Variants in VPS13A observed in about 807,000 individuals in gnomAD.
The protein encoded by VPS13A is vacuolar protein sorting 13 homolog A, also known as intermembrane lipid transfer protein VPS13A.
VPS13A carries 264 observed loss-of-function variants against 390.9 expected under a neutral mutation model. That is an observed-to-expected ratio of 0.68 (90% CI 0.61 to 0.75). VPS13A has a LOEUF of 0.75. Ranked by LOEUF, VPS13A falls within the 30% of genes least tolerant of loss-of-function variation. The probability of loss-of-function intolerance (pLI) is 0.00; values close to 1 mark genes in which losing one functional copy is unlikely to be tolerated. For synonymous variants in VPS13A, 1,231 were observed against 1,227.1 expected (o/e 1.00, Z -0.07); for missense variants, 3,409 against 3,733.9 (o/e 0.91, Z 2.27).
chr9:77,183,722 G>T (rs1277279958), intron 1 of VPS13A, among the ~76,000 whole-genome samples: 9 of 152,188 alleles, frequency 5.9e-5, no homozygotes, highest in Admixed American at 5.9e-4. Context: ...AAGCCATTGT[G>T]CTTCTACATG....
chr9:77,207,082 A>G (rs569951289), intron 5 of VPS13A, among the ~76,000 whole-genome samples: 1 of 148,724 alleles, frequency 6.7e-6, no homozygotes, highest in African/African-American at 2.4e-5. Context: ...TAATATATAT[A>G]CATAGCTTTA....
chr9:77,258,244 A>T (rs1176583227), intron 22 of VPS13A, among the ~76,000 whole-genome samples: 3 of 152,180 alleles, frequency 2.0e-5, no homozygotes, highest in Admixed American at 2.0e-4. Context: ...CTCATCTAAC[A>T]TCTACCAAAC....
chr9:77,330,534 A>G (rs1830229789), intron 45 of VPS13A, among the ~76,000 whole-genome samples: 1 of 152,224 alleles, frequency 6.6e-6, no homozygotes, highest in Non-Finnish European at 1.5e-5. Context: ...AACAGGCACC[A>G]TTTAGAAGCA....
Position 77,353,289 on chromosome 9 carries a change from C to G in VPS13A, c.7420-120C>G, listed in dbSNP as rs548510600. On this transcript the variant is annotated intron_variant, in intron 53 of 71. Transcript: ENST00000360280. ...TATTAATTCATTTAGTTGCCACTAACCCCATGAAGTAGGTGCCATTAATAG... is the reference window on the plus strand; with the variant it reads ...TATTAATTCATTTAGTTGCCACTAAGCCCATGAAGTAGGTGCCATTAATAG... 1.1e-5 allele frequency: 8 copies of G among 712,538 alleles called. No homozygotes were observed. In the South Asian group the frequency reaches 1.4e-4, roughly 13 times the overall value. 44.1% of individuals were successfully genotyped at this position (712,538 alleles called of 1,614,324 possible).
At chr9:77,294,723 G>C (rs1574336) in intron 32 of VPS13A, among the ~76,000 whole-genome samples, 1 of 151,996 alleles carries the variant, frequency 6.6e-6, no homozygotes, top group Non-Finnish European at 1.5e-5. Flanking sequence ...AAAAAAATTA[G>C]AGTTGGGTTC....
At chr9:77,410,818 G>GACTT (rs1834883750) in intron 71 of VPS13A, among the ~76,000 whole-genome samples, 1 of 152,132 alleles carries the variant, frequency 6.6e-6, no homozygotes, top group African/African-American at 2.4e-5. Flanking sequence ...CCTACAAAGA[G>GACTT]ACTTAGACTC....
Position 77,228,082 on chromosome 9 carries a change from A to C in VPS13A, c.1453-40A>C, listed in dbSNP as rs755270796. 7.2e-6 allele frequency: 10 copies of C among 1,393,162 alleles called. No homozygotes were observed. In the African/African-American group the frequency reaches 1.4e-4, roughly 20 times the overall value. 86.3% of individuals were successfully genotyped at this position (1,393,162 alleles called of 1,614,324 possible). On this transcript the variant is annotated intron_variant, in intron 16 of 71. Transcript: ENST00000360280. ...AAGAATATTTGTTATGCTTATATAT[A>C]TATATATGTTTTCATTTTATTCTTC...
At chr9:77,202,808 A>C (rs987222349) in intron 3 of VPS13A, among the ~76,000 whole-genome samples, 6 of 152,206 alleles carry the variant, frequency 3.9e-5, no homozygotes, top group African/African-American at 1.4e-4. Flanking sequence ...TAGAAAGTAC[A>C]CTGAACTAAA....
At chr9:77,369,564 T>G (rs1183679327) in intron 63 of VPS13A, 152 bp downstream of exon 63, 2 of 680,576 alleles carry the variant, frequency 2.9e-6, no homozygotes, top group Non-Finnish European at 5.3e-6. Flanking sequence ...GGTAAGAGGT[T>G]TTGGGGGACA....
intron 68 of VPS13A, chr9:77,384,856 A>G (rs915215873): frequency 1.4e-6 from 2 of 1,438,572 alleles, no homozygotes; most frequent in African/African-American, 2.9e-5. Context: ...ACAGAAAAAA[A>G]TGTATCTTAC....
intron 23 of VPS13A, among the ~76,000 whole-genome samples, chr9:77,260,453 T>C (rs1825694638): frequency 6.8e-6 from 1 of 147,882 alleles, no homozygotes; most frequent in South Asian, 2.2e-4. Flanking sequence ...CCTCCCAGGC[T>C]CACGCCATTC....
chr9:77,353,301 G>T, intron 53 of VPS13A, 108 bp from the exon 54 acceptor site: 1 of 783,406 alleles, frequency 1.3e-6, no homozygotes. Flanking sequence ...CCATGAAGTA[G>T]GTGCCATTAA....
chr9:77,299,515 G>A (rs1480952635), intron 33 of VPS13A, among the ~76,000 whole-genome samples: 2 of 152,248 alleles, frequency 1.3e-5, no homozygotes, highest in East Asian at 1.9e-4. Flanking sequence ...AAACAGTGTG[G>A]CGATTCCTCA....
intron 57 of VPS13A, among the ~76,000 whole-genome samples, chr9:77,358,812 C>T (rs1210259188): frequency 1.3e-5 from 2 of 152,100 alleles, no homozygotes; most frequent in Non-Finnish European, 2.9e-5. Context: ...GAATAACGGA[C>T]AAGTCCTTTC....
chr9:77,247,181 A>C (rs953650991), intron 19 of VPS13A, 78 bp from the exon 20 acceptor site: 3 of 1,160,256 alleles, frequency 2.6e-6, no homozygotes, highest in Non-Finnish European at 3.6e-6. Flanking sequence ...TTGTTTTATC[A>C]GTTCATATAT....
rs76312045 is a variant in VPS13A, at chr9:77,420,843, G to A, written c.*4837G>A. The A allele has an allele frequency of 5.3e-5, 8 of 152,152 alleles. No individual in the cohort carries two copies. The East Asian group carries it at 7.7e-4, about 15-fold the overall frequency. 9.4% of individuals were successfully genotyped at this position (152,152 alleles called of 1,614,324 possible). A position where few individuals can be genotyped will look rare whatever the true frequency, so the allele number is the denominator to read the frequency against. ...TTTCCTGTTATGCCGTCATACCTCC[G>A]GTGTTCAGTTTGTTACTCAAAAGTT... On this transcript the variant is annotated 3_prime_UTR_variant, in exon 72 of 72. Coordinates refer to ENST00000360280, the MANE Select transcript of VPS13A (RefSeq NM_033305.3).
intron 19 of VPS13A, among the ~76,000 whole-genome samples, chr9:77,244,897 G>C (rs1385148318): frequency 6.6e-6 from 1 of 151,652 alleles, no homozygotes; most frequent in Non-Finnish European, 1.5e-5. Flanking sequence ...TATATATGTA[G>C]GATCCACACT....
chr9:77,186,117 CAAAA>C (rs1326312887), intron 1 of VPS13A, among the ~76,000 whole-genome samples: 1 of 151,994 alleles, frequency 6.6e-6, no homozygotes, highest in African/African-American at 2.4e-5. Flanking sequence ...AACTCTGTCT[CAAAA>C]AACACAAAAA....
At chr9:77,340,772 G>A (rs1830766768) in intron 50 of VPS13A, 1 of 519,950 alleles carries the variant, frequency 1.9e-6, no homozygotes, top group East Asian at 3.5e-5. Flanking sequence ...AAGGGAGGTA[G>A]ACGTTTAACA....
Sources: allele counts gnomAD v4.1 joint callset (sites outside exome capture counted in the v4.1 genomes callset), GRCh38; gene constraint gnomAD v4.1.1; transcripts MANE v1.5; gene names NCBI Gene and HGNC (gene_info 2026-07-23, HGNC 2026-07-21).